Variants in CACNA1D observed in about 807,000 individuals in gnomAD.
The protein encoded by CACNA1D is calcium voltage-gated channel subunit alpha1 D, also known as voltage-dependent L-type calcium channel subunit alpha-1D.
CACNA1D carries 55 observed loss-of-function variants against 257.1 expected under a neutral mutation model. That is an observed-to-expected ratio of 0.21 (90% CI 0.17 to 0.27). The LOEUF is 0.27. Ranked by LOEUF, CACNA1D falls within the 10% of genes least tolerant of loss-of-function variation. The pLI, the probability that CACNA1D is intolerant of heterozygous loss-of-function variation, is 1.00. For missense variants in CACNA1D, 1,876 were observed against 2,784.0 expected (o/e 0.67, Z 7.34); for synonymous variants, 980 against 1,014.9 (o/e 0.97, Z 0.65).
At chr3:53,730,421 C>A (rs779157718) in intron 15 of CACNA1D, 21 bp from the exon 16 acceptor site, 24 of 1,499,978 alleles carry the variant, frequency 1.6e-5, no homozygotes, top group Non-Finnish European at 2.2e-5. Context: ...GTGTGTTGTG[C>A]CCTTAAAAAG....
intron 4 of CACNA1D, among the ~76,000 whole-genome samples, chr3:53,659,366 A>T (rs2094181042): frequency 6.6e-6 from 1 of 152,180 alleles, no homozygotes; most frequent in Non-Finnish European, 1.5e-5. Context: ...AGTATCTGTG[A>T]TTTACATCCT....
At chr3:53,752,999 C>T (rs1436134079) in intron 28 of CACNA1D, among the ~76,000 whole-genome samples, 2 of 152,204 alleles carry the variant, frequency 1.3e-5, no homozygotes, top group Admixed American at 6.5e-5. Context: ...GGTCTAGAGC[C>T]AGCTTTTGCA....
In CACNA1D at chr3:53,751,372, G is replaced by A. The variant is rs565236754; in HGVS notation, c.3517-377G>A. On this transcript the variant is annotated intron_variant, in intron 27 of 47. Coordinates refer to ENST00000350061, the MANE Select transcript of CACNA1D (RefSeq NM_001128840.3). The surrounding 1 kb of genome is among the most constrained non-coding windows in gnomAD (Gnocchi z 4.3). ...ATCCACCTATAGATCCCCCGTATGT[G>A]TGATAAAGAGGAAAGGCAGTGATAA... Among the ~76,000 whole-genome samples, 1 of 152,344 alleles carries A rather than the reference G, an allele frequency of 6.6e-6. No homozygotes were observed. The highest frequency in any genetic ancestry group is 2.1e-4 in the South Asian group (1 of 4,826).
At chr3:53,743,472 C>T (rs532500499) in intron 22 of CACNA1D, among the ~76,000 whole-genome samples, 3 of 152,316 alleles carry the variant, frequency 2.0e-5, no homozygotes, top group African/African-American at 7.2e-5. Flanking sequence ...ACCCTGTGCC[C>T]CTTTTATATA....
At chr3:53,734,220 T>A (rs2095034345) in intron 19 of CACNA1D, among the ~76,000 whole-genome samples, 1 of 151,072 alleles carries the variant, frequency 6.6e-6, no homozygotes, top group Admixed American at 6.6e-5. Context: ...TCGCCTTACA[T>A]AAAGTTGACT....
intron 3 of CACNA1D, among the ~76,000 whole-genome samples, chr3:53,509,643 A>G (rs909948091): frequency 3.3e-5 from 5 of 152,026 alleles, no homozygotes; most frequent in African/African-American, 1.2e-4. Flanking sequence ...CTGCTCAGTG[A>G]GTGTGGTGGG....
chr3:53,756,337 G>A (rs1449225263), intron 29 of CACNA1D, among the ~76,000 whole-genome samples: 1 of 152,198 alleles, frequency 6.6e-6, no homozygotes, highest in East Asian at 1.9e-4. Context: ...AGATGACCCA[G>A]CCTCTGCCAA....
Position 53,810,707 on chromosome 3 carries a change from G to A in CACNA1D, c.6193-406G>A, listed in dbSNP as rs527849936. ...CGGGAGGTGGAGGCTGCAGTGAGCC[G>A]AGATCACACCACTGCACTCCAGCCT... On this transcript the variant is annotated intron_variant, in intron 47 of 47. Coordinates refer to ENST00000350061, the MANE Select transcript of CACNA1D (RefSeq NM_001128840.3). 8.9e-4 allele frequency among the ~76,000 whole-genome samples: 117 copies of A among 130,896 alleles called. 3 individuals are homozygous for A. Among genetic ancestry groups the A allele is most frequent in the Admixed American group, 1.4e-3 (16 of 11,634 alleles). The allele number at this position is 130,896 out of a possible 152,430, so 85.9% of individuals were successfully genotyped here.
intron 40 of CACNA1D, among the ~76,000 whole-genome samples, chr3:53,795,818 A>T (rs1045653552): frequency 2.6e-5 from 4 of 152,210 alleles, no homozygotes; most frequent in Non-Finnish European, 5.9e-5. Flanking sequence ...TATTTTAGAT[A>T]ATTTCTTTAA....
At chr3:53,721,280 G>T (rs2094880292) in intron 11 of CACNA1D, among the ~76,000 whole-genome samples, 2 of 152,182 alleles carry the variant, frequency 1.3e-5, no homozygotes, top group Admixed American at 1.3e-4. Flanking sequence ...TCACTTCCTG[G>T]GTTACAGATT....
intron 20 of CACNA1D, among the ~76,000 whole-genome samples, chr3:53,739,317 G>A (rs1258408653): frequency 1.3e-5 from 2 of 152,202 alleles, no homozygotes; most frequent in South Asian, 2.1e-4. Context: ...GGTCTCTTCA[G>A]TTCTTTCAAA....
chr3:53,594,774 A>G (rs1179684349), intron 3 of CACNA1D, among the ~76,000 whole-genome samples: 1 of 152,246 alleles, frequency 6.6e-6, no homozygotes, highest in Non-Finnish European at 1.5e-5. Context: ...ACGTTAGTAC[A>G]ATTCCACACC....
At chr3:53,637,003 T>G (rs563358024) in intron 3 of CACNA1D, among the ~76,000 whole-genome samples, 1 of 152,248 alleles carries the variant, frequency 6.6e-6, no homozygotes, top group Non-Finnish European at 1.5e-5. Context: ...GGATACATCT[T>G]TACAATGGTC....
chr3:53,806,208 CT>C (rs2095565517), intron 45 of CACNA1D, among the ~76,000 whole-genome samples: 1 of 136,368 alleles, frequency 7.3e-6, no homozygotes, highest in African/African-American at 2.7e-5. Flanking sequence ...CCTCCCTCAT[CT>C]TCCCTCCTCC....
chr3:53,734,479 TATAC>T (rs748675276), intron 19 of CACNA1D, among the ~76,000 whole-genome samples: 13 of 152,250 alleles, frequency 8.5e-5, no homozygotes, highest in Non-Finnish European at 1.6e-4. Flanking sequence ...TATATGTACA[TATAC>T]ATACATAAAT....
Position 53,549,166 on chromosome 3 carries a change from G to A in CACNA1D, c.483+47446G>A, listed in dbSNP as rs182882477. ...GCCATCTTCTCACTGCTACTGTGGG[G>A]TTTAGCTCTACAGATCAGAGGATGG... On this transcript the variant is annotated intron_variant, in intron 3 of 47. Coordinates refer to ENST00000350061, the MANE Select transcript of CACNA1D (RefSeq NM_001128840.3). Among the ~76,000 whole-genome samples the A allele has an allele frequency of 3.8e-3, 581 of 152,260 alleles. 2 individuals carry two copies. Among genetic ancestry groups the A allele is most frequent in the African/African-American group, 0.014 (561 of 41,546 alleles).
chr3:53,711,639 A>C (rs1430402868), intron 9 of CACNA1D, among the ~76,000 whole-genome samples: 5 of 152,240 alleles, frequency 3.3e-5, no homozygotes, highest in Admixed American at 6.5e-5. Flanking sequence ...CAGAGGGGAC[A>C]CACTGTACTC....
intron 3 of CACNA1D, among the ~76,000 whole-genome samples, chr3:53,551,822 C>T (rs948791021): frequency 1.3e-5 from 2 of 152,198 alleles, no homozygotes; most frequent in Non-Finnish European, 2.9e-5. Context: ...CGATCTCCCA[C>T]TTGTGTGGGT....
At chr3:53,605,254 C>G (rs2093494016) in intron 3 of CACNA1D, among the ~76,000 whole-genome samples, 1 of 152,148 alleles carries the variant, frequency 6.6e-6, no homozygotes, top group South Asian at 2.1e-4. Flanking sequence ...GTGGAGGGCT[C>G]CTTTGTGTGT....
Sources: gnomAD v4.1 joint callset for allele counts (sites outside exome capture counted in the v4.1 genomes callset) on GRCh38, gnomAD v4.1.1 for gene constraint, Gnocchi (gnomAD v3.1) non-coding constraint, MANE v1.5 for transcripts, NCBI Gene and HGNC (gene_info 2026-07-23, HGNC 2026-07-21) for gene names.